Variants in FHOD3 observed in about 807,000 individuals in gnomAD.
FHOD3 encodes formin homology 2 domain containing 3, also known as FH1/FH2 domain-containing protein 3.
In FHOD3, 90 loss-of-function variants were observed where a neutral mutation model predicts 173.0. The ratio of observed to expected loss-of-function variants is 0.52; its 90% CI spans 0.44 to 0.62. The LOEUF (loss-of-function observed/expected upper bound fraction) is 0.62. FHOD3 is among the 20% of genes least tolerant of loss of function. The probability of loss-of-function intolerance (pLI) is 0.00; values close to 1 mark genes in which losing one functional copy is unlikely to be tolerated. For synonymous variants in FHOD3, 828 were observed against 823.0 expected (o/e 1.01, Z -0.10); for missense variants, 1,945 against 2,034.7 (o/e 0.96, Z 0.85).
chr18:36,742,610 C>A, intron 21 of FHOD3, 127 bp from the exon 22 acceptor site: 2 of 1,027,878 alleles, frequency 1.9e-6, no homozygotes, highest in Non-Finnish European at 2.8e-6. Flanking sequence ...AGGAGCAATG[C>A]CCATCGCGGG....
chr18:36,704,267 A>G (rs1055730279), intron 17 of FHOD3, among the ~76,000 whole-genome samples: 2 of 152,192 alleles, frequency 1.3e-5, no homozygotes, highest in Non-Finnish European at 2.9e-5. Context: ...TGCTAAGTGC[A>G]TCCTAGCGAT....
chr18:36,690,123 T>C (rs989449701), intron 16 of FHOD3, among the ~76,000 whole-genome samples: 2 of 152,132 alleles, frequency 1.3e-5, no homozygotes, highest in Non-Finnish European at 1.5e-5. Context: ...TATTTGTCTC[T>C]CTCTCCCACT....
intron 7 of FHOD3, among the ~76,000 whole-genome samples, chr18:36,599,681 G>T (rs868222631): frequency 6.6e-6 from 1 of 152,194 alleles, no homozygotes; most frequent in Non-Finnish European, 1.5e-5. Context: ...GAGGGGAGAA[G>T]TATTGAGCAA....
chr18:36,446,264 C>G (rs1205217849), intron 3 of FHOD3, among the ~76,000 whole-genome samples: 1 of 152,158 alleles, frequency 6.6e-6, no homozygotes, highest in Admixed American at 6.5e-5. Context: ...CATAAGGGCC[C>G]TGGGGGCTCT....
chr18:36,613,849 T>A (rs750311925), intron 9 of FHOD3, among the ~76,000 whole-genome samples: 2 of 152,164 alleles, frequency 1.3e-5, no homozygotes, highest in African/African-American at 2.4e-5. Flanking sequence ...AATTTTTATA[T>A]TTTAGTAGAG....
intron 18 of FHOD3, among the ~76,000 whole-genome samples, chr18:36,716,054 G>A (rs1013313997): frequency 6.6e-6 from 1 of 152,210 alleles, no homozygotes; most frequent in Non-Finnish European, 1.5e-5. Context: ...ATCATGGAAG[G>A]CCTTGTGAAC....
At chr18:36,661,525 T>C (rs2036801466) in intron 14 of FHOD3, among the ~76,000 whole-genome samples, 1 of 152,156 alleles carries the variant, frequency 6.6e-6, no homozygotes, top group Non-Finnish European at 1.5e-5. Context: ...CCCTGTACAA[T>C]ACTAGGAAGT....
intron 17 of FHOD3, 140 bp from the exon 18 acceptor site, chr18:36,708,955 T>C: frequency 4.8e-6 from 5 of 1,040,998 alleles, no homozygotes; most frequent in Non-Finnish European, 7.1e-6. Flanking sequence ...AGTGTTTGAA[T>C]AACCAGGGCA....
chr18:36,760,848 T>C (rs935644557), intron 27 of FHOD3, 66 bp downstream of exon 27: 15 of 1,479,972 alleles, frequency 1.0e-5, no homozygotes, highest in African/African-American at 2.8e-5. Flanking sequence ...GGGTCCGGTC[T>C]CCATCGCAGG....
At chr18:36,318,634 G>T (rs1716128563) in intron 1 of FHOD3, among the ~76,000 whole-genome samples, 1 of 152,184 alleles carries the variant, frequency 6.6e-6, no homozygotes, top group South Asian at 2.1e-4. Context: ...GGGCTGAGAT[G>T]ATGGGATTTT....
intron 4 of FHOD3, among the ~76,000 whole-genome samples, chr18:36,505,704 A>T (rs981782355): frequency 6.6e-6 from 1 of 152,220 alleles, no homozygotes; most frequent in Non-Finnish European, 1.5e-5. Flanking sequence ...AAGTTTGCCA[A>T]GGTCACTGCT....
Position 36,478,637 on chromosome 18 carries a change from G to A in FHOD3, c.338-23295G>A, listed in dbSNP as rs192339623. 1.1e-3 allele frequency among the ~76,000 whole-genome samples: 170 copies of A among 152,156 alleles called. 1 individual carries two copies. The highest frequency in any genetic ancestry group is 4.0e-3 in the African/African-American group (165 of 41,506). On this transcript the variant is annotated intron_variant, in intron 3 of 28. Transcript: ENST00000590592. The stretch of plus-strand genomic sequence containing the variant: ...TCAAGGACCTTGAATCCCTCCAAAT[G>A]ACCTCCACATTGAATGTAGCCAGAG...
intron 5 of FHOD3, among the ~76,000 whole-genome samples, chr18:36,512,759 T>G (rs891199304): frequency 6.6e-6 from 1 of 152,210 alleles, no homozygotes; most frequent in African/African-American, 2.4e-5. Context: ...GACTTTCACC[T>G]GGAGTTATTT....
At chr18:36,357,568 C>A (rs562117306) in intron 2 of FHOD3, among the ~76,000 whole-genome samples, 1 of 152,192 alleles carries the variant, frequency 6.6e-6, no homozygotes, top group African/African-American at 2.4e-5. Flanking sequence ...CCACTCTAGG[C>A]TGTGCATATG....
intron 5 of FHOD3, among the ~76,000 whole-genome samples, chr18:36,515,931 G>A (rs910446785): frequency 9.9e-5 from 15 of 152,186 alleles, no homozygotes; most frequent in African/African-American, 3.6e-4. Context: ...AGGGCACTGT[G>A]CCCAATTGTC....
At chr18:36,695,343 G>A (rs1354170219) in intron 17 of FHOD3, among the ~76,000 whole-genome samples, 12 of 148,282 alleles carry the variant, frequency 8.1e-5, no homozygotes, top group African/African-American at 1.3e-4. Flanking sequence ...GTGAGACACC[G>A]TCTCAAAAAT....
chr18:36,384,335 G>T (rs984065828), intron 3 of FHOD3, among the ~76,000 whole-genome samples: 3 of 151,934 alleles, frequency 2.0e-5, no homozygotes, highest in Non-Finnish European at 4.4e-5. Flanking sequence ...AGCTGAGATC[G>T]CACTACTAAA....
chr18:36,700,831 G>A (rs1380653438), intron 17 of FHOD3, among the ~76,000 whole-genome samples: 3 of 152,184 alleles, frequency 2.0e-5, no homozygotes, highest in Non-Finnish European at 4.4e-5. Flanking sequence ...CCAAACCACA[G>A]TCAGTACCTG....
chr18:36,577,837 A>T (rs2058711104), intron 6 of FHOD3, among the ~76,000 whole-genome samples: 1 of 152,214 alleles, frequency 6.6e-6, no homozygotes, highest in African/African-American at 2.4e-5. Flanking sequence ...GTGCGCCGAA[A>T]GCTGGGCAAG....
Sources: allele counts gnomAD v4.1 joint callset (sites outside exome capture counted in the v4.1 genomes callset), GRCh38; gene constraint gnomAD v4.1.1; transcripts MANE v1.5; gene names NCBI Gene and HGNC (gene_info 2026-07-23, HGNC 2026-07-21).